PEBP4: variants seen among roughly 807,000 people sequenced by gnomAD.
PEBP4 encodes the protein phosphatidylethanolamine-binding protein 4.
PEBP4 carries 22 observed loss-of-function variants against 23.9 expected under a neutral mutation model. The ratio of observed to expected loss-of-function variants is 0.92; its 90% confidence interval spans 0.66 to 1.31. The LOEUF (loss-of-function observed/expected upper bound fraction) is 1.31, where lower values mean the gene tolerates loss of function less well. PEBP4 is among the 40% of genes most tolerant of loss of function. PEBP4 has a pLI of 0.00. For synonymous variants in PEBP4, 112 were observed against 99.3 expected (o/e 1.13, Z -0.76); for missense variants, 324 against 281.7 (o/e 1.15, Z -1.07).
At chr8:22,921,290 T>C (rs545119300) in intron 2 of PEBP4, among the ~76,000 whole-genome samples, 2 of 152,296 alleles carry the variant, frequency 1.3e-5, no homozygotes, top group Admixed American at 6.5e-5. Flanking sequence ...AGAGTGGGTG[T>C]TGCAGGTCCC....
In PEBP4 at chr8:22,713,270, T is replaced by TTTA. The variant is rs71206542; in HGVS notation, c.*99_*100insTAA. On this transcript the variant is annotated 3_prime_UTR_variant, in exon 7 of 7. Transcript: ENST00000256404. ...ACCAAGCCCTGGATGATTTTTTTTT[T>TTTA]ATTTGGAAAAGAAGGGGTTCTGTAT... is the stretch of plus-strand genomic sequence containing the variant. The TTTA allele has an allele frequency of 8.8e-4, 1,235 of 1,407,986 alleles. 1 individual carries two copies. Among genetic ancestry groups the TTTA allele is most frequent in the African/African-American group, 4.8e-3 (331 of 68,582 alleles). The allele number at this position is 1,407,986 out of a possible 1,614,324, so 87.2% of individuals were successfully genotyped here. A position where few individuals can be genotyped will look rare whatever the true frequency, so the allele number is the denominator to read the frequency against.
chr8:22,800,964 C>T (rs1016552699), intron 4 of PEBP4, among the ~76,000 whole-genome samples: 2 of 152,054 alleles, frequency 1.3e-5, no homozygotes, highest in Non-Finnish European at 2.9e-5. Context: ...CCCAATCCTA[C>T]CCACCTTCAC....
intron 6 of PEBP4, among the ~76,000 whole-genome samples, chr8:22,717,580 G>C (rs1338409390): frequency 6.6e-6 from 1 of 152,220 alleles, no homozygotes; most frequent in Non-Finnish European, 1.5e-5. Context: ...GGAGAACAAG[G>C]AGTGGGTTGC....
intron 4 of PEBP4, among the ~76,000 whole-genome samples, chr8:22,802,023 G>A (rs1259548404): frequency 1.3e-5 from 2 of 152,140 alleles, no homozygotes; most frequent in Non-Finnish European, 2.9e-5. Context: ...AGCCCAGGGA[G>A]CTCTGGGCAT....
intron 4 of PEBP4, among the ~76,000 whole-genome samples, chr8:22,791,216 C>T (rs557598472): frequency 6.6e-6 from 1 of 152,264 alleles, no homozygotes; most frequent in East Asian, 1.9e-4. Context: ...ATCTAGTGGG[C>T]TCCTGGAGAA....
At chr8:22,794,045 C>G (rs1585275947) in intron 4 of PEBP4, among the ~76,000 whole-genome samples, 3 of 152,000 alleles carry the variant, frequency 2.0e-5, no homozygotes, top group African/African-American at 7.2e-5. Context: ...GTGATGGTTT[C>G]TTGTTTTTGT....
At chr8:22,767,670 T>C (rs1369075078) in intron 4 of PEBP4, among the ~76,000 whole-genome samples, 2 of 152,318 alleles carry the variant, frequency 1.3e-5, no homozygotes, top group East Asian at 3.9e-4. Flanking sequence ...ATTTGCTATC[T>C]TGATCTCGGT....
At chr8:22,826,589 AG>A (rs2128763313) in intron 3 of PEBP4, among the ~76,000 whole-genome samples, 1 of 152,374 alleles carries the variant, frequency 6.6e-6, no homozygotes, top group South Asian at 2.1e-4. Context: ...AAAAACCATG[AG>A]GATCTCTAAG....
chr8:22,752,406 G>C (rs921562968), intron 4 of PEBP4, among the ~76,000 whole-genome samples: 4 of 152,174 alleles, frequency 2.6e-5, no homozygotes, highest in African/African-American at 9.6e-5. Context: ...CTAAGTCTAC[G>C]GTTGCCTGGC....
intron 4 of PEBP4, among the ~76,000 whole-genome samples, chr8:22,742,285 C>T (rs1039533268): frequency 1.4e-4 from 22 of 152,232 alleles, no homozygotes; most frequent in Non-Finnish European, 2.9e-5. Flanking sequence ...AGCTCTTGCG[C>T]CCCTGGTCCT....
At chr8:22,880,801 C>T (rs1175531753) in intron 3 of PEBP4, among the ~76,000 whole-genome samples, 1 of 152,218 alleles carries the variant, frequency 6.6e-6, no homozygotes, top group Non-Finnish European at 1.5e-5. Flanking sequence ...GCAGGGGCAG[C>T]CTAGACCCAG....
intron 6 of PEBP4, among the ~76,000 whole-genome samples, chr8:22,715,709 G>A (rs143108922): frequency 4.3e-4 from 66 of 152,276 alleles, no homozygotes; most frequent in African/African-American, 1.5e-3. Flanking sequence ...TGTGGTTCTC[G>A]GGCTCCCTGG....
chr8:22,805,484 G>T (rs1806476421), intron 4 of PEBP4, among the ~76,000 whole-genome samples: 1 of 152,192 alleles, frequency 6.6e-6, no homozygotes, highest in Non-Finnish European at 1.5e-5. Context: ...GCGCCACCAT[G>T]CCCATGTAAT....
intron 4 of PEBP4, chr8:22,757,252 T>A (rs941622291): frequency 6.6e-6 from 1 of 152,272 alleles, no homozygotes; most frequent in African/African-American, 2.4e-5. Flanking sequence ...AGCTGAGAAG[T>A]AGCTGAGCTG....
chr8:22,714,264 G>A (rs1441375226), intron 6 of PEBP4, among the ~76,000 whole-genome samples: 1 of 152,194 alleles, frequency 6.6e-6, no homozygotes, highest in African/African-American at 2.4e-5. Flanking sequence ...CTTGTGGCAG[G>A]GCAAGAAGGG....
intron 4 of PEBP4, among the ~76,000 whole-genome samples, chr8:22,790,197 T>TTTCC (rs1263765085): frequency 2.6e-5 from 4 of 152,232 alleles, no homozygotes; most frequent in South Asian, 2.1e-4. Context: ...TTGATGATTC[T>TTTCC]TTCCTTCCTT....
intron 3 of PEBP4, among the ~76,000 whole-genome samples, chr8:22,855,590 T>C (rs1039439984): frequency 6.6e-6 from 1 of 152,188 alleles, no homozygotes; most frequent in African/African-American, 2.4e-5. Flanking sequence ...GGAAGTATTA[T>C]GTCCCTGGAA....
intron 3 of PEBP4, among the ~76,000 whole-genome samples, chr8:22,898,468 A>G (rs1808641795): frequency 1.3e-5 from 2 of 150,582 alleles, no homozygotes; most frequent in African/African-American, 2.4e-5. Context: ...TGGAACCCCA[A>G]GCTAAGACAC....
At chr8:22,803,642 C>A (rs1806435180) in intron 4 of PEBP4, among the ~76,000 whole-genome samples, 1 of 151,970 alleles carries the variant, frequency 6.6e-6, no homozygotes, top group African/African-American at 2.4e-5. Context: ...CTAGACTGGG[C>A]AACAGAGCAA....
Sources: gnomAD v4.1 joint callset for allele counts (sites outside exome capture counted in the v4.1 genomes callset) on GRCh38, gnomAD v4.1.1 for gene constraint, MANE v1.5 for transcripts, NCBI Gene and HGNC (gene_info 2026-07-23, HGNC 2026-07-21) for gene names.